The following SGCZ variants were observed in gnomAD, a reference collection of about 807,000 sequenced individuals.
SGCZ encodes the protein sarcoglycan zeta, also known as zeta-sarcoglycan.
Under a neutral mutation model 41.3 loss-of-function variants are expected in SGCZ, and 40 were observed. The observed-to-expected ratio is 0.97, with a 90% CI of 0.75 to 1.26. The LOEUF is 1.26. SGCZ is among the 50% of genes most tolerant of loss of function. SGCZ has a pLI of 0.00. For missense variants in SGCZ, 552 were observed against 369.8 expected (o/e 1.49, Z -4.04); for synonymous variants, 206 against 137.5 (o/e 1.50, Z -3.49).
At chr8:14,860,170 A>C (rs1460806802) in intron 1 of SGCZ, among the ~76,000 whole-genome samples, 2 of 151,944 alleles carry the variant, frequency 1.3e-5, no homozygotes, top group Non-Finnish European at 2.9e-5. Context: ...AACTCGAAGA[A>C]AATGCTACAC....
chr8:14,451,722 G>A (rs553160385), intron 2 of SGCZ, among the ~76,000 whole-genome samples: 13 of 152,116 alleles, frequency 8.5e-5, no homozygotes, highest in Non-Finnish European at 1.6e-4. Flanking sequence ...TATACAAGTG[G>A]CAAGTAAGCA....
chr8:15,053,348 T>A (rs913293756), intron 1 of SGCZ, among the ~76,000 whole-genome samples: 1 of 152,216 alleles, frequency 6.6e-6, no homozygotes, highest in South Asian at 2.1e-4. Flanking sequence ...GAATCTACAC[T>A]ATTTTCATAC....
chr8:14,324,393 T>C lies in SGCZ; in HGVS notation c.235-189A>G, dbSNP rs77989185. The stretch of plus-strand genomic sequence containing the variant: ...TGCATATAGAGGGCTCTATTTAAAA[T>C]GAACAGGAAAAGAGGATTTAAAGGA... On this transcript the variant is annotated intron_variant, in intron 2 of 7. Coordinates refer to ENST00000382080, the MANE Select transcript of SGCZ (RefSeq NM_139167.4). Among the ~76,000 whole-genome samples, 53 of 152,242 alleles carry C rather than the reference T, an allele frequency of 3.5e-4. 1 individual carries two copies. In the East Asian group the frequency reaches 8.3e-3, roughly 24 times the overall value.
chr8:15,103,466 T>A (rs557449924), intron 1 of SGCZ, among the ~76,000 whole-genome samples: 1 of 151,890 alleles, frequency 6.6e-6, no homozygotes, highest in Non-Finnish European at 1.5e-5. Context: ...ACCAGTTTTA[T>A]AGAAGTAAAA....
chr8:14,441,720 T>G (rs1002270016), intron 2 of SGCZ, among the ~76,000 whole-genome samples: 1 of 152,226 alleles, frequency 6.6e-6, no homozygotes, highest in Non-Finnish European at 1.5e-5. Context: ...AATACATCAA[T>G]GACTTGTGCT....
At chr8:14,502,802 A>G (rs35513275) in intron 2 of SGCZ, among the ~76,000 whole-genome samples, 2 of 152,190 alleles carry the variant, frequency 1.3e-5, no homozygotes, top group Non-Finnish European at 1.5e-5. Context: ...AAGAAAGAAC[A>G]GATGCTGGCG....
chr8:14,826,551 C>G (rs909033230), intron 1 of SGCZ, among the ~76,000 whole-genome samples: 1 of 152,168 alleles, frequency 6.6e-6, no homozygotes, highest in African/African-American at 2.4e-5. Context: ...GTCCCACCAA[C>G]AGTGTAGAAG....
At position 14,409,876 on chromosome 8, in the gene SGCZ, C is replaced by T. The variant is rs527887754; in HGVS notation, c.235-85672G>A. On this transcript the variant is annotated intron_variant, in intron 2 of 7. Coordinates refer to ENST00000382080, the MANE Select transcript of SGCZ (RefSeq NM_139167.4). ...ACAAATATGAACAGTTATTTATACA[C>T]ATAATAAATATGACACAATATATGG... Among the ~76,000 whole-genome samples, 6 of 152,158 alleles carry T rather than the reference C, an allele frequency of 3.9e-5. No individual in the cohort carries two copies. The South Asian group carries it at 8.3e-4, about 21-fold the overall frequency.
chr8:14,870,068 G>GA (rs1198213760), intron 1 of SGCZ, among the ~76,000 whole-genome samples: 1 of 151,886 alleles, frequency 6.6e-6, no homozygotes, highest in Non-Finnish European at 1.5e-5. Context: ...CACAGAACTA[G>GA]AAAAAAATAC....
intron 1 of SGCZ, among the ~76,000 whole-genome samples, chr8:15,056,116 T>C (rs1056257439): frequency 1.3e-5 from 2 of 152,208 alleles, no homozygotes; most frequent in African/African-American, 2.4e-5. Flanking sequence ...TCTAACTGCA[T>C]TTGTGAGACA....
intron 3 of SGCZ, among the ~76,000 whole-genome samples, chr8:14,260,746 A>C (rs1799633017): frequency 1.3e-5 from 2 of 152,198 alleles, no homozygotes; most frequent in African/African-American, 4.8e-5. Context: ...GCACATATAC[A>C]CCATGGAATA....
In SGCZ at chr8:14,484,297, CAG is replaced by C. The variant is rs535295508; in HGVS notation, c.234+70433_234+70434del. Among the ~76,000 whole-genome samples the C allele has an allele frequency of 3.0e-3, 462 of 152,110 alleles. 3 individuals carry two copies. The highest frequency in any genetic ancestry group is 0.01 in the African/African-American group (431 of 41,500). ...GTATAATAAACTTTCATGAATATATCAGAGAGAAATGGTAAGAAGAGAGCTAA... is the reference window on the plus strand; with the variant it reads ...GTATAATAAACTTTCATGAATATATCAGAGAAATGGTAAGAAGAGAGCTAA... On this transcript the variant is annotated intron_variant, in intron 2 of 7. Transcript: ENST00000382080.
chr8:14,536,723 T>C (rs2117139470), intron 2 of SGCZ, among the ~76,000 whole-genome samples: 1 of 151,952 alleles, frequency 6.6e-6, no homozygotes, highest in Non-Finnish European at 1.5e-5. Flanking sequence ...TGTATAAGTG[T>C]AGAAGATCAT....
At chr8:15,053,310 T>C (rs1326660980) in intron 1 of SGCZ, among the ~76,000 whole-genome samples, 3 of 152,204 alleles carry the variant, frequency 2.0e-5, no homozygotes, top group African/African-American at 7.2e-5. Flanking sequence ...TTTCCTGATA[T>C]AGTCGTCACT....
intron 2 of SGCZ, among the ~76,000 whole-genome samples, chr8:14,390,975 A>T (rs75907074): frequency 6.6e-6 from 1 of 152,028 alleles, no homozygotes; most frequent in African/African-American, 2.4e-5. Flanking sequence ...GGGATATCCA[A>T]TGAAAAAGCA....
chr8:15,090,863 T>G (rs1008126332), intron 1 of SGCZ, among the ~76,000 whole-genome samples: 1 of 152,142 alleles, frequency 6.6e-6, no homozygotes, highest in African/African-American at 2.4e-5. Flanking sequence ...AAATTAAAAT[T>G]ATAATCTTCC....
At position 14,865,326 on chromosome 8, in the gene SGCZ, T is replaced by A. The variant is rs535527991; in HGVS notation, c.40-310400A>T. 2.0e-5 allele frequency among the ~76,000 whole-genome samples: 3 copies of A among 152,140 alleles called. No homozygotes were observed. The South Asian group carries it at 6.2e-4, about 32-fold the overall frequency. ...CCCTTACTTCATAATTGTCCTGGGTTCTTTTTTCCACTGCATTTCTTCTTC... is the reference window on the plus strand; with the variant it reads ...CCCTTACTTCATAATTGTCCTGGGTACTTTTTTCCACTGCATTTCTTCTTC... On this transcript the variant is annotated intron_variant, in intron 1 of 7. Coordinates refer to ENST00000382080, the MANE Select transcript of SGCZ (RefSeq NM_139167.4).
intron 1 of SGCZ, among the ~76,000 whole-genome samples, chr8:14,669,385 G>GTAAGTAAATAAATAAA (rs1465447907): frequency 3.6e-5 from 2 of 55,128 alleles, no homozygotes; most frequent in African/African-American, 3.2e-4. Flanking sequence ...AAGTAAGTAA[G>GTAAGTAAATAAATAAA]TAAATAAATA....
chr8:14,323,520 G>C (rs1317190550), intron 3 of SGCZ, among the ~76,000 whole-genome samples: 1 of 151,902 alleles, frequency 6.6e-6, no homozygotes, highest in East Asian at 1.9e-4. Flanking sequence ...ATGTACATAA[G>C]CCAAAATGAA....
Sources: gnomAD v4.1 joint callset for allele counts (sites outside exome capture counted in the v4.1 genomes callset) on GRCh38, gnomAD v4.1.1 for gene constraint, MANE v1.5 for transcripts, NCBI Gene and HGNC (gene_info 2026-07-23, HGNC 2026-07-21) for gene names.